CRTAM: variants seen among roughly 807,000 people sequenced by gnomAD.
CRTAM encodes cytotoxic and regulatory T cell molecule, also known as cytotoxic and regulatory T-cell molecule.
In CRTAM, 44 loss-of-function variants were observed where a neutral mutation model predicts 50.0. That is an observed-to-expected ratio of 0.88 (90% CI 0.69 to 1.13). The LOEUF is 1.13. Ranked by LOEUF, CRTAM falls within the 50% of genes most tolerant of loss-of-function variation. CRTAM has a pLI of 0.00. For synonymous variants in CRTAM, 159 were observed against 169.3 expected, an observed-to-expected ratio of 0.94 and a Z score of 0.47; for missense variants, 448 against 457.5, an observed-to-expected ratio of 0.98 and a Z score of 0.19.
At chr11:122,853,907 T>C in intron 3 of CRTAM, 36 bp from the exon 4 acceptor site, 1 of 1,605,412 alleles carries the variant, frequency 6.2e-7, no homozygotes, top group East Asian at 2.2e-5. Flanking sequence ...TGCAGACTCA[T>C]ATCTAATTAA....
At chr11:122,853,073 T>G (rs1861953321) in intron 3 of CRTAM, among the ~76,000 whole-genome samples, 1 of 151,232 alleles carries the variant, frequency 6.6e-6, no homozygotes, top group Non-Finnish European at 1.5e-5. Context: ...AATGCACCTT[T>G]TTTTTTTTTT....
intron 1 of CRTAM, 104 bp downstream of exon 1, chr11:122,838,696 G>A (rs1861761788): frequency 3.9e-6 from 4 of 1,022,140 alleles, no homozygotes; most frequent in Non-Finnish European, 6.1e-6. Context: ...TGCTGTAGAA[G>A]ACAACCCAGG....
intron 5 of CRTAM, among the ~76,000 whole-genome samples, chr11:122,862,068 G>C (rs1862092307): frequency 6.6e-6 from 1 of 152,302 alleles, no homozygotes; most frequent in East Asian, 1.9e-4. Flanking sequence ...TCAGGAGCAG[G>C]TAAATAGCAG....
intron 5 of CRTAM, chr11:122,862,195 A>G (rs1227766954): frequency 2.1e-6 from 1 of 468,870 alleles, no homozygotes; most frequent in Non-Finnish European, 3.8e-6. Flanking sequence ...GGACACAGAT[A>G]GAAACAGTGA....
intron 1 of CRTAM, among the ~76,000 whole-genome samples, chr11:122,843,339 G>A (rs1370972075): frequency 6.6e-6 from 1 of 152,124 alleles, no homozygotes; most frequent in Non-Finnish European, 1.5e-5. Context: ...CATAACATAT[G>A]GTCATGCATG....
At chr11:122,860,934 C>A (rs1862063569) in intron 5 of CRTAM, among the ~76,000 whole-genome samples, 1 of 152,128 alleles carries the variant, frequency 6.6e-6, no homozygotes. Context: ...TGGGCTTAAG[C>A]AATCTGCCTG....
intron 6 of CRTAM, among the ~76,000 whole-genome samples, chr11:122,864,279 CAG>C (rs1862139205): frequency 6.6e-6 from 1 of 152,116 alleles, no homozygotes; most frequent in Non-Finnish European, 1.5e-5. Context: ...TTAGGTAAAA[CAG>C]AGTTTATGTA....
At chr11:122,862,575 T>G (rs1862101216) in intron 6 of CRTAM, 31 bp downstream of exon 6, 1 of 1,347,928 alleles carries the variant, frequency 7.4e-7, no homozygotes, top group Non-Finnish European at 1.0e-6. Context: ...AACTTGTTTT[T>G]AAAAAATCAC....
intron 5 of CRTAM, among the ~76,000 whole-genome samples, chr11:122,858,206 C>T (rs542356070): frequency 2.1e-4 from 32 of 152,172 alleles, no homozygotes; most frequent in African/African-American, 6.7e-4. Flanking sequence ...AGCCACCTCA[C>T]CCAGATTTCA....
chr11:122,841,899 G>C (rs991776399), intron 1 of CRTAM, among the ~76,000 whole-genome samples: 4 of 152,206 alleles, frequency 2.6e-5, no homozygotes, highest in African/African-American at 9.6e-5. Flanking sequence ...CTAGGGGAAA[G>C]ACATTATGGG....
At chr11:122,853,350 G>A (rs191318523) in intron 3 of CRTAM, among the ~76,000 whole-genome samples, 37 of 152,058 alleles carry the variant, frequency 2.4e-4, no homozygotes, top group Non-Finnish European at 3.8e-4. Context: ...GATTACAGGC[G>A]TGAGCCACCT....
intron 7 of CRTAM, among the ~76,000 whole-genome samples, chr11:122,865,446 A>G (rs972042092): frequency 1.3e-5 from 2 of 151,796 alleles, no homozygotes; most frequent in Admixed American, 1.3e-4. Context: ...TTTTAGAGAC[A>G]GGGTCTCTCT....
At chr11:122,844,380 C>A (rs1374434365) in intron 1 of CRTAM, among the ~76,000 whole-genome samples, 1 of 152,200 alleles carries the variant, frequency 6.6e-6, no homozygotes, top group Non-Finnish European at 1.5e-5. Context: ...TCTGTTTAGA[C>A]CATCATTTTA....
chr11:122,840,176 T>C (rs568220779), intron 1 of CRTAM, among the ~76,000 whole-genome samples: 1 of 152,320 alleles, frequency 6.6e-6, no homozygotes, highest in African/African-American at 2.4e-5. Flanking sequence ...AAGGTAAACC[T>C]AAATTACTTA....
intron 1 of CRTAM, among the ~76,000 whole-genome samples, chr11:122,843,502 G>A (rs530511249): frequency 6.6e-6 from 1 of 152,196 alleles, no homozygotes; most frequent in South Asian, 2.1e-4. Flanking sequence ...GTGGGGAGCC[G>A]TGCAGGGCTA....
At chr11:122,864,754 C>G (rs748868977) in intron 7 of CRTAM, 35 bp downstream of exon 7, 1 of 1,462,244 alleles carries the variant, frequency 6.8e-7, no homozygotes, top group Non-Finnish European at 9.6e-7. Context: ...AATAAACACT[C>G]GACATTTTAA....
chr11:122,845,037 T>A (rs923264836), intron 1 of CRTAM, among the ~76,000 whole-genome samples: 2 of 152,158 alleles, frequency 1.3e-5, no homozygotes, highest in African/African-American at 4.8e-5. Context: ...TGAGATGACC[T>A]ATGGAGTGAG....
chr11:122,839,920 C>T (rs968343296), intron 1 of CRTAM, among the ~76,000 whole-genome samples: 7 of 151,886 alleles, frequency 4.6e-5, no homozygotes, highest in Non-Finnish European at 8.8e-5. Flanking sequence ...GTCCCTGTAC[C>T]CTGAGGCACT....
rs147039129 is a variant in CRTAM, at chr11:122,867,489, A to G, written c.898A>G (p.Ile300Val). The change falls in exon 8 of 10, where the codon ATA (isoleucine) becomes GTA (valine). Residue 300 changes from isoleucine to valine, a missense_variant. Ile to Val is a conservative substitution (Grantham distance 29). Transcript: ENST00000227348. ...CACGCTGGTGTCCTTCCTCATTTTC[A>G]TACTCTTCATCATAGTCCAGCTCTT... ...LLTLVSFLIFILFIIVQLFIM... is the reference protein window; with the variant it reads ...LLTLVSFLIFVLFIIVQLFIM... 4 of 1,613,998 alleles carry G rather than the reference A, an allele frequency of 2.5e-6. No homozygotes were observed. The highest frequency in any genetic ancestry group is 1.6e-4 in the Middle Eastern group (1 of 6,084).
Sources: gnomAD v4.1 joint callset for allele counts (sites outside exome capture counted in the v4.1 genomes callset) on GRCh38, gnomAD v4.1.1 for gene constraint, MANE v1.5 for transcripts, NCBI Gene and HGNC (gene_info 2026-07-23, HGNC 2026-07-21) for gene names.